Variants in PIK3R5 observed in about 807,000 individuals in gnomAD.
PIK3R5 encodes the protein phosphoinositide 3-kinase regulatory subunit 5.
In PIK3R5, 32 loss-of-function variants were observed where a neutral mutation model predicts 94.9. The observed-to-expected ratio is 0.34, with a 90% CI of 0.25 to 0.45. The LOEUF (loss-of-function observed/expected upper bound fraction) is 0.45, where lower values mean the gene tolerates loss of function less well. Ranked by LOEUF, PIK3R5 falls within the 20% of genes least tolerant of loss-of-function variation. The probability of loss-of-function intolerance (pLI) is 1.00; values close to 1 mark genes in which losing one functional copy is unlikely to be tolerated. For synonymous variants in PIK3R5, 443 were observed against 479.4 expected (o/e 0.92, Z 0.99); for missense variants, 853 against 1,144.6 (o/e 0.75, Z 3.68).
At chr17:8,914,869 G>C (rs1396466870) in intron 1 of PIK3R5, among the ~76,000 whole-genome samples, 3 of 152,268 alleles carry the variant, frequency 2.0e-5, no homozygotes, top group Admixed American at 2.0e-4. Flanking sequence ...CAGCATGAGG[G>C]AAACCTATCA....
chr17:8,897,051 T>A (rs1398494067), intron 5 of PIK3R5, among the ~76,000 whole-genome samples: 1 of 152,102 alleles, frequency 6.6e-6, no homozygotes, highest in Admixed American at 6.5e-5. Flanking sequence ...CTCTTACACT[T>A]CCCTCCTCAC....
At chr17:8,941,788 A>C (rs2091185448) in intron 1 of PIK3R5, among the ~76,000 whole-genome samples, 1 of 152,178 alleles carries the variant, frequency 6.6e-6, no homozygotes, top group South Asian at 2.1e-4. Context: ...TGTGGATATC[A>C]ACCTGTCACC....
rs771465687 is a variant in PIK3R5 at position 8,889,124 on chromosome 17, GC to G, written c.895+14del. 1.4e-5 allele frequency: 23 copies of G among 1,610,642 alleles called. No individual in the cohort carries two copies. In the Admixed American group the frequency reaches 3.8e-4, roughly 27 times the overall value. On this transcript the variant is annotated intron_variant, in intron 9 of 18. Coordinates refer to ENST00000447110, the MANE Select transcript of PIK3R5 (RefSeq NM_001142633.3). This position sits in a 1 kb window ranked among gnomAD's most constrained non-coding sequence, Gnocchi z 4.1. ...AGTGTGGGGCATGGGTGTCACCAGG[GC>G]CCCGGCTCCTTACCAAAGCTGTCCT...
At position 8,931,659 on chromosome 17, in the gene PIK3R5, A is replaced by C. The variant is rs187781117; in HGVS notation, c.-13-20152T>G. Among the ~76,000 whole-genome samples, 3 of 152,316 alleles carry C rather than the reference A, an allele frequency of 2.0e-5. No individual in the cohort carries two copies. The East Asian group carries it at 5.8e-4, about 29-fold the overall frequency. On this transcript the variant is annotated intron_variant, in intron 1 of 18. Coordinates refer to ENST00000447110, the MANE Select transcript of PIK3R5 (RefSeq NM_001142633.3). ...ACTGGAAAAGAGGGAAACGTGAAAA[A>C]GAAGAGCTCAAGAAGACATTAGCTG...
chr17:8,910,025 T>C (rs187791307), intron 2 of PIK3R5, among the ~76,000 whole-genome samples: 44 of 152,368 alleles, frequency 2.9e-4, no homozygotes, highest in Admixed American at 2.1e-3. Context: ...GAGCACTTTG[T>C]CACTCTGTAA....
chr17:8,890,685 T>G lies in PIK3R5; in HGVS notation c.657+53A>C, dbSNP rs364676. The stretch of plus-strand genomic sequence containing the variant: ...TGGCTGAGATGAAGCAGGGAGAGGG[T>G]GCTACCTCCTCAGAGAGGTGCTCCA... On this transcript the variant is annotated intron_variant, in intron 7 of 18. Transcript: ENST00000447110. This position sits in a 1 kb window ranked among gnomAD's most constrained non-coding sequence, Gnocchi z 6.1. 2 of 1,469,686 alleles carry G rather than the reference T, an allele frequency of 1.4e-6. No homozygotes were observed. Among genetic ancestry groups the G allele is most frequent in the South Asian group, 1.2e-5 (1 of 81,652 alleles). 91.0% of individuals were successfully genotyped at this position (1,469,686 alleles called of 1,614,324 possible). A position where few individuals can be genotyped will look rare whatever the true frequency, so the allele number is the denominator to read the frequency against.
intron 1 of PIK3R5, among the ~76,000 whole-genome samples, chr17:8,915,248 C>A (rs2090606326): frequency 1.3e-5 from 2 of 151,778 alleles, no homozygotes; most frequent in African/African-American, 4.8e-5. Flanking sequence ...CATGGGGAAA[C>A]CCTGTCTCTA....
At chr17:8,895,898 A>G (rs1429493588) in intron 5 of PIK3R5, among the ~76,000 whole-genome samples, 1 of 152,104 alleles carries the variant, frequency 6.6e-6, no homozygotes, top group African/African-American at 2.4e-5. Flanking sequence ...AGCAGAACCT[A>G]TGATCATCAG....
intron 1 of PIK3R5, among the ~76,000 whole-genome samples, chr17:8,956,286 AG>A (rs1349411807): frequency 1.3e-5 from 2 of 151,700 alleles, no homozygotes; most frequent in Admixed American, 1.3e-4. Context: ...GTGACCTGAA[AG>A]GAAGCCTTCC....
chr17:8,960,566 G>A (rs539428430), intron 1 of PIK3R5, among the ~76,000 whole-genome samples: 2 of 152,218 alleles, frequency 1.3e-5, no homozygotes, highest in South Asian at 2.1e-4. Flanking sequence ...AAATGTTAGC[G>A]ATTAGGCAGG....
In PIK3R5 at chr17:8,882,802, T is replaced by C. The variant is rs918352205; in HGVS notation, c.2206-921A>G. Among the ~76,000 whole-genome samples, 1 of 152,176 alleles carries C rather than the reference T, an allele frequency of 6.6e-6. No individual in the cohort carries two copies. The highest frequency in any genetic ancestry group is 1.5e-5 in the Non-Finnish European group (1 of 68,036). On this transcript the variant is annotated intron_variant, in intron 15 of 18. Transcript: ENST00000447110. This position sits in a 1 kb window ranked among gnomAD's most constrained non-coding sequence, Gnocchi z 4.1. ...TTCCTAACCCATCCATGGGCCCTGC[T>C]GATTACATCACTCACATCTGTCTCC...
Position 8,884,233 on chromosome 17 carries a change from C to T in PIK3R5, c.2205+474G>A, listed in dbSNP as rs963916080. 3.3e-5 allele frequency among the ~76,000 whole-genome samples: 5 copies of T among 152,116 alleles called. No homozygotes were observed. Among genetic ancestry groups the T allele is most frequent in the East Asian group, 3.8e-4 (2 of 5,200 alleles). On this transcript the variant is annotated intron_variant, in intron 15 of 18. Coordinates refer to ENST00000447110, the MANE Select transcript of PIK3R5 (RefSeq NM_001142633.3). The surrounding 1 kb of genome is among the most constrained non-coding windows in gnomAD (Gnocchi z 5.8). The stretch of plus-strand genomic sequence containing the variant: ...TTCCCTCAGCCTGGACCTTGGGATG[C>T]GACCTGCTCAGAGAACTCATGTCTT...
Position 8,925,512 on chromosome 17 carries a change from AGATG to A in PIK3R5, c.-13-14009_-13-14006del, listed in dbSNP as rs1222884181. ...GATAGATAGTAGATGGATAGATAGT[AGATG>A]GATAGATAGATAGATAGTAGATAGA... On this transcript the variant is annotated intron_variant, in intron 1 of 18. Coordinates refer to ENST00000447110, the MANE Select transcript of PIK3R5 (RefSeq NM_001142633.3). The surrounding 1 kb of genome is among the most constrained non-coding windows in gnomAD (Gnocchi z 5.1). Among the ~76,000 whole-genome samples, 1 of 148,554 alleles carries A rather than the reference AGATG, an allele frequency of 6.7e-6. No homozygotes were observed. Among genetic ancestry groups the A allele is most frequent in the Non-Finnish European group, 1.5e-5 (1 of 67,936 alleles).
intron 1 of PIK3R5, among the ~76,000 whole-genome samples, chr17:8,942,239 T>C (rs562594155): frequency 6.6e-6 from 1 of 152,192 alleles, no homozygotes; most frequent in African/African-American, 2.4e-5. Flanking sequence ...CCAGGACCTG[T>C]GCCCCTTCCT....
chr17:8,903,507 AT>A (rs1420456965), intron 5 of PIK3R5, among the ~76,000 whole-genome samples: 1 of 149,890 alleles, frequency 6.7e-6, no homozygotes, highest in East Asian at 1.9e-4. Context: ...AAATATTTAT[AT>A]ATTATGTTTT....
rs2151410937 is a variant in PIK3R5, at chr17:8,909,369, A to C, written c.104-195T>G. Among the ~76,000 whole-genome samples, 1 of 151,874 alleles carries C rather than the reference A, an allele frequency of 6.6e-6. No individual in the cohort carries two copies. Among genetic ancestry groups the C allele is most frequent in the East Asian group, 1.9e-4 (1 of 5,152 alleles). Reference sequence around the variant, plus strand: ...CAGTGGTGCGATCTCAGCTCACTGCAACCTCTGCCTCCCGGGTTCAAGCGA... The same window carrying C: ...CAGTGGTGCGATCTCAGCTCACTGCCACCTCTGCCTCCCGGGTTCAAGCGA... On this transcript the variant is annotated intron_variant, in intron 2 of 18. Transcript: ENST00000447110. This position sits in a 1 kb window ranked among gnomAD's most constrained non-coding sequence, Gnocchi z 4.3.
At chr17:8,929,270 G>T (rs1228804609) in intron 1 of PIK3R5, among the ~76,000 whole-genome samples, 1 of 152,060 alleles carries the variant, frequency 6.6e-6, no homozygotes, top group Non-Finnish European at 1.5e-5. Context: ...GATTTGTAGT[G>T]AATTATAAAA....
At position 8,890,892 on chromosome 17, in the gene PIK3R5, G is replaced by T; in HGVS notation, c.503C>A (p.Pro168Gln). The change falls in exon 7 of 19, where the codon CCA (proline) becomes CAA (glutamine). Residue 168 changes from proline (P) to glutamine (Q), a missense_variant. By Grantham distance (76) the Pro-to-Gln change is moderately conservative. Coordinates refer to ENST00000447110, the MANE Select transcript of PIK3R5 (RefSeq NM_001142633.3). This position sits in a 1 kb window ranked among gnomAD's most constrained non-coding sequence, Gnocchi z 6.1. ...AAGGAACTCGGCCTGCACTTCCACT[G>T]GGTTCAGCAGCAGCACGGTGCTGGG... Reference protein sequence around the residue: ...SSTVTVLLLNPVEVQAEFLAV... With the variant: ...SSTVTVLLLNQVEVQAEFLAV... 6.2e-7 allele frequency: 1 copy of T among 1,613,806 alleles called. No individual in the cohort carries two copies. The highest frequency in any genetic ancestry group is 8.5e-7 in the Non-Finnish European group (1 of 1,179,936).
At chr17:8,931,497 G>C (rs2090986902) in intron 1 of PIK3R5, among the ~76,000 whole-genome samples, 1 of 152,134 alleles carries the variant, frequency 6.6e-6, no homozygotes, top group Non-Finnish European at 1.5e-5. Flanking sequence ...GATTTCGCTG[G>C]GTTTCTGCTG....
Sources: allele counts gnomAD v4.1 joint callset (sites outside exome capture counted in the v4.1 genomes callset), GRCh38; gene constraint gnomAD v4.1.1; non-coding constraint Gnocchi (gnomAD v3.1); transcripts MANE v1.5; gene names NCBI Gene and HGNC (gene_info 2026-07-23, HGNC 2026-07-21).